The following DLG2 variants were observed in gnomAD, a reference collection of about 807,000 sequenced individuals.
The protein encoded by DLG2 is disks large homolog 2.
A neutral mutation model predicts 132.5 loss-of-function variants in DLG2; 45 were observed. The ratio of observed to expected loss-of-function variants is 0.34; its 90% CI spans 0.27 to 0.44. The LOEUF (loss-of-function observed/expected upper bound fraction) is 0.44, where lower values mean the gene tolerates loss of function less well. DLG2 is among the 20% of genes least tolerant of loss of function. The pLI is 1.00. For missense variants in DLG2, 1,045 were observed against 1,196.9 expected (o/e 0.87, Z 1.87); for synonymous variants, 424 against 419.6 (o/e 1.01, Z -0.13).
intron 15 of DLG2, among the ~76,000 whole-genome samples, chr11:83,918,982 C>T (rs1001057485): frequency 6.6e-6 from 1 of 152,168 alleles, no homozygotes; most frequent in Non-Finnish European, 1.5e-5. Flanking sequence ...TCCAACATAA[C>T]ATCACTCAAA....
chr11:84,771,277 A>G (rs1222675948), intron 6 of DLG2, among the ~76,000 whole-genome samples: 1 of 152,136 alleles, frequency 6.6e-6, no homozygotes, highest in African/African-American at 2.4e-5. Context: ...CCTTGCCAGC[A>G]TCTGTTATTT....
At chr11:84,833,954 A>G (rs1470518726) in intron 6 of DLG2, among the ~76,000 whole-genome samples, 1 of 151,582 alleles carries the variant, frequency 6.6e-6, no homozygotes, top group African/African-American at 2.4e-5. Context: ...ATTTGTTACA[A>G]CGCCTACCAT....
At chr11:85,546,748 G>A (rs1430301984) in intron 3 of DLG2, among the ~76,000 whole-genome samples, 1 of 129,892 alleles carries the variant, frequency 7.7e-6, no homozygotes, top group African/African-American at 3.0e-5. Flanking sequence ...TTATGTAATG[G>A]CCTTCTTTGT....
chr11:84,222,225 T>C (rs2096926212), intron 8 of DLG2, among the ~76,000 whole-genome samples: 1 of 152,054 alleles, frequency 6.6e-6, no homozygotes, highest in South Asian at 2.1e-4. Context: ...AGAGATGGGG[T>C]TTCACCATGT....
chr11:85,263,556 G>C (rs1316950835), intron 4 of DLG2, among the ~76,000 whole-genome samples: 1 of 152,232 alleles, frequency 6.6e-6, no homozygotes, highest in African/African-American at 2.4e-5. Context: ...ACCAGGGAAT[G>C]GCCCTGGCCA....
At chr11:85,508,701 G>C (rs1392417625) in intron 3 of DLG2, among the ~76,000 whole-genome samples, 1 of 152,000 alleles carries the variant, frequency 6.6e-6, no homozygotes, top group Non-Finnish European at 1.5e-5. Flanking sequence ...ACATACCAAA[G>C]TGTTAACAGT....
intron 16 of DLG2, among the ~76,000 whole-genome samples, chr11:83,842,367 G>A (rs564449178): frequency 4.6e-5 from 7 of 152,188 alleles, no homozygotes; most frequent in South Asian, 4.1e-4. Context: ...AGGCCAAGGC[G>A]GGCGGATCAT....
chr11:85,248,266 T>C (rs2076231880), intron 4 of DLG2, among the ~76,000 whole-genome samples: 1 of 152,142 alleles, frequency 6.6e-6, no homozygotes, highest in African/African-American at 2.4e-5. Flanking sequence ...TTTCACTGCT[T>C]CATCATTTGG....
At chr11:83,560,874 T>A (rs543671358) in intron 19 of DLG2, among the ~76,000 whole-genome samples, 1 of 152,192 alleles carries the variant, frequency 6.6e-6, no homozygotes, top group Non-Finnish European at 1.5e-5. Context: ...CATTCTCACA[T>A]TGCTATAAGG....
At chr11:85,506,265 A>G (rs943443673) in intron 3 of DLG2, among the ~76,000 whole-genome samples, 2 of 152,004 alleles carry the variant, frequency 1.3e-5, no homozygotes, top group Non-Finnish European at 2.9e-5. Flanking sequence ...TAGCTTTTGA[A>G]TGTGTTTGCT....
chr11:83,754,461 T>C (rs894635291), intron 18 of DLG2, among the ~76,000 whole-genome samples: 8 of 151,482 alleles, frequency 5.3e-5, no homozygotes, highest in African/African-American at 1.5e-4. Flanking sequence ...ACTCCCATTA[T>C]GGAGAAGCAG....
At chr11:84,195,206 C>G (rs890567027) in intron 8 of DLG2, among the ~76,000 whole-genome samples, 6 of 152,130 alleles carry the variant, frequency 3.9e-5, no homozygotes, top group Admixed American at 2.6e-4. Context: ...ACTCTGTTGC[C>G]GGGCTGGAGT....
intron 21 of DLG2, among the ~76,000 whole-genome samples, chr11:83,508,052 C>A (rs1313000717): frequency 1.3e-5 from 2 of 151,650 alleles, no homozygotes; most frequent in African/African-American, 4.8e-5. Flanking sequence ...TGGTACCCAC[C>A]CAGATTAAGG....
intron 9 of DLG2, among the ~76,000 whole-genome samples, chr11:84,161,628 T>A (rs2095547617): frequency 6.6e-6 from 1 of 152,172 alleles, no homozygotes; most frequent in Admixed American, 6.5e-5. Context: ...TAGCTTTTAT[T>A]TTTTGACCTC....
intron 3 of DLG2, among the ~76,000 whole-genome samples, chr11:85,572,036 T>C (rs553060267): frequency 1.1e-4 from 16 of 152,322 alleles, no homozygotes; most frequent in African/African-American, 3.8e-4. Flanking sequence ...TAAAACTCAC[T>C]GTCCTTACAG....
chr11:84,163,188 A>G (rs2095585939), intron 9 of DLG2, among the ~76,000 whole-genome samples: 1 of 152,208 alleles, frequency 6.6e-6, no homozygotes, highest in African/African-American at 2.4e-5. Flanking sequence ...CATTAAGAAC[A>G]AAGTGCTGTA....
intron 7 of DLG2, among the ~76,000 whole-genome samples, chr11:84,292,474 T>C (rs1338922202): frequency 3.3e-5 from 5 of 152,220 alleles, no homozygotes; most frequent in African/African-American, 4.8e-5. Flanking sequence ...TAGGAGAAGC[T>C]ATGCTTCTGC....
intron 15 of DLG2, among the ~76,000 whole-genome samples, chr11:83,879,599 C>T (rs1003491835): frequency 3.3e-5 from 5 of 152,064 alleles, no homozygotes; most frequent in African/African-American, 1.2e-4. Flanking sequence ...CAATCAGTAC[C>T]TCAAATTTAA....
chr11:85,021,331 G>T, intron 6 of DLG2: 1 of 1,274,118 alleles, frequency 7.8e-7, no homozygotes, highest in East Asian at 2.3e-5. Context: ...TAAGTCGAAA[G>T]AAGAGCCATA....
Sources: allele counts gnomAD v4.1 joint callset (sites outside exome capture counted in the v4.1 genomes callset), GRCh38; gene constraint gnomAD v4.1.1; transcripts MANE v1.5; gene names NCBI Gene and HGNC (gene_info 2026-07-23, HGNC 2026-07-21).